MID1: variants seen among roughly 807,000 people sequenced by gnomAD.
The protein encoded by MID1 is midline 1.
MID1 carries 7 observed loss-of-function variants against 40.4 expected under a neutral mutation model. The observed-to-expected ratio is 0.17, with a 90% CI of 0.10 to 0.33. The LOEUF (loss-of-function observed/expected upper bound fraction) is 0.33, where lower values mean the gene tolerates loss of function less well. Ranked by LOEUF, MID1 falls within the 10% of genes least tolerant of loss-of-function variation. MID1 has a pLI of 1.00. For missense variants in MID1, 367 were observed against 558.5 expected (o/e 0.66, Z 3.46); for synonymous variants, 229 against 221.2 (o/e 1.04, Z -0.31).
chrX:10,727,809 CT>C (rs2043405379), intron 1 of MID1, among the ~76,000 whole-genome samples: 1 of 111,969 alleles, frequency 8.9e-6, no homozygotes, highest in South Asian at 3.7e-4. Flanking sequence ...GGGGTGACTT[CT>C]GTGAGAATAA....
intron 7 of MID1, among the ~76,000 whole-genome samples, chrX:10,464,620 G>C (rs1163627819): frequency 2.7e-5 from 3 of 112,000 alleles, no homozygotes; most frequent in African/African-American, 6.5e-5. Context: ...CTGCAATCAG[G>C]GTGAGAGCAG....
chrX:10,729,650 T>A (rs1270920219), intron 1 of MID1, among the ~76,000 whole-genome samples: 1 of 112,302 alleles, frequency 8.9e-6, no homozygotes, highest in Non-Finnish European at 1.9e-5. Flanking sequence ...CATTTTAAAA[T>A]GCTAATTTCA....
chrX:10,481,422 G>A (rs1205059238), intron 5 of MID1, among the ~76,000 whole-genome samples: 3 of 111,749 alleles, frequency 2.7e-5, no homozygotes, highest in Non-Finnish European at 3.8e-5. Context: ...CCAGCCTAGT[G>A]CTTCTCTTTG....
chrX:10,572,541 ACT>A (rs1352635827), intron 1 of MID1, among the ~76,000 whole-genome samples: 3 of 110,126 alleles, frequency 2.7e-5, no homozygotes, highest in Non-Finnish European at 5.7e-5. Flanking sequence ...ACAGAGCAAG[ACT>A]CTGTCTCAAA....
chrX:10,680,261 C>T (rs753342685), intron 1 of MID1, among the ~76,000 whole-genome samples: 2 of 111,473 alleles, frequency 1.8e-5, no homozygotes, highest in Non-Finnish European at 3.8e-5. Context: ...CTTGAAGATA[C>T]GTATCTTTAC....
At chrX:10,606,142 G>A (rs1280678309) in intron 1 of MID1, among the ~76,000 whole-genome samples, 1 of 110,281 alleles carries the variant, frequency 9.1e-6, no homozygotes, top group Non-Finnish European at 1.9e-5. Context: ...TTTTACATGC[G>A]GTTATAATTT....
chrX:10,740,448 T>A (rs1409413232), intron 1 of MID1, among the ~76,000 whole-genome samples: 2 of 112,612 alleles, frequency 1.8e-5, no homozygotes, highest in Non-Finnish European at 3.7e-5. Context: ...TGATGCCATA[T>A]GACTGACGGA....
At chrX:10,479,686 T>C (rs1020456617) in intron 5 of MID1, among the ~76,000 whole-genome samples, 2 of 112,421 alleles carry the variant, frequency 1.8e-5, no homozygotes, top group African/African-American at 6.5e-5. Flanking sequence ...TCCTTTTTTA[T>C]GGTTGACTAG....
chrX:10,588,748 T>C, intron 1 of MID1, among the ~76,000 whole-genome samples: 1 of 110,208 alleles, frequency 9.1e-6, no homozygotes, highest in Non-Finnish European at 1.9e-5. Context: ...TTAACTACTG[T>C]GGGGGGAAGG....
chrX:10,550,549 C>T (rs5979321), intron 2 of MID1, among the ~76,000 whole-genome samples: 1,830 of 111,635 alleles, frequency 0.016, 40 homozygotes, highest in East Asian at 0.1. Context: ...CTGCAGATGG[C>T]GGGAGGGGAG....
intron 2 of MID1, among the ~76,000 whole-genome samples, chrX:10,542,286 A>C (rs1471597322): frequency 2.7e-5 from 3 of 111,836 alleles, no homozygotes; most frequent in African/African-American, 9.8e-5. Flanking sequence ...CAAAACAATT[A>C]TAAAAATAAA....
intron 7 of MID1, among the ~76,000 whole-genome samples, chrX:10,468,345 ACT>A (rs1483351472): frequency 9.0e-6 from 1 of 111,145 alleles, no homozygotes; most frequent in Non-Finnish European, 1.9e-5. Context: ...TTTCTGCATC[ACT>A]CTTTTAATTA....
intron 4 of MID1, 130 bp downstream of exon 4, chrX:10,495,454 A>G: frequency 1.8e-6 from 1 of 554,867 alleles, no homozygotes; most frequent in South Asian, 2.7e-5. Flanking sequence ...ACTAAGTCTT[A>G]AAGACTTAAG....
chrX:10,504,068 A>C (rs1360500577), intron 3 of MID1, among the ~76,000 whole-genome samples: 1 of 111,723 alleles, frequency 9.0e-6, no homozygotes, highest in Non-Finnish European at 1.9e-5. Flanking sequence ...TCAAACAGGT[A>C]AAATAATTTA....
At chrX:10,588,763 C>T (rs186651900) in intron 1 of MID1, among the ~76,000 whole-genome samples, 1 of 110,549 alleles carries the variant, frequency 9.0e-6, no homozygotes, top group Non-Finnish European at 1.9e-5. Flanking sequence ...GGAAGGGGAT[C>T]TAAAACCAGC....
intron 2 of MID1, among the ~76,000 whole-genome samples, chrX:10,553,239 C>T (rs1197355488): frequency 9.8e-6 from 1 of 102,177 alleles, no homozygotes; most frequent in African/African-American, 3.8e-5. Flanking sequence ...TGCAGCGAGA[C>T]TCTATCTAAA....
At chrX:10,770,643 C>T (rs980597465) in intron 1 of MID1, among the ~76,000 whole-genome samples, 5 of 112,217 alleles carry the variant, frequency 4.5e-5, no homozygotes, top group African/African-American at 1.6e-4. Flanking sequence ...TTTTAAGACC[C>T]AGGAGAAATG....
chrX:10,811,290 C>T (rs1352974930), intron 1 of MID1, among the ~76,000 whole-genome samples: 2 of 112,070 alleles, frequency 1.8e-5, no homozygotes, highest in Non-Finnish European at 3.8e-5. Flanking sequence ...CCTTTGACTG[C>T]GTAATTTGGT....
intron 2 of MID1, among the ~76,000 whole-genome samples, chrX:10,534,790 C>T (rs1257487313): frequency 3.6e-5 from 4 of 112,292 alleles, no homozygotes; most frequent in Admixed American, 2.8e-4. Context: ...AAAGTGGGTA[C>T]GATCTGTCAG....
Sources: allele counts gnomAD v4.1 joint callset (sites outside exome capture counted in the v4.1 genomes callset), GRCh38; gene constraint gnomAD v4.1.1; transcripts MANE v1.5; gene names NCBI Gene and HGNC (gene_info 2026-07-23, HGNC 2026-07-21).